The following PEX14 variants were observed in gnomAD, a reference collection of about 807,000 sequenced individuals.
PEX14 encodes the protein peroxisomal membrane protein PEX14.
PEX14 carries 15 observed loss-of-function variants against 49.5 expected under a neutral mutation model. That is an observed-to-expected ratio of 0.30 (90% CI 0.20 to 0.47). The LOEUF (loss-of-function observed/expected upper bound fraction) is 0.47. Among genes scored for constraint, PEX14 ranks in the 20% least tolerant of loss-of-function variants. The pLI is 1.00. For missense variants in PEX14, 398 were observed against 494.8 expected, an observed-to-expected ratio of 0.80 and a Z score of 1.86; for synonymous variants, 210 against 212.7, an observed-to-expected ratio of 0.99 and a Z score of 0.11.
chr1:10,538,851 A>G (rs1219913382), intron 3 of PEX14, among the ~76,000 whole-genome samples: 2 of 152,190 alleles, frequency 1.3e-5, no homozygotes, highest in Non-Finnish European at 1.5e-5. Context: ...GGCTTGGAGC[A>G]TGGGCTCTGG....
chr1:10,596,409 T>C (rs1640834351), intron 3 of PEX14, among the ~76,000 whole-genome samples: 1 of 152,230 alleles, frequency 6.6e-6, no homozygotes, highest in Non-Finnish European at 1.5e-5. Context: ...GTTAAGTTCC[T>C]GTATTGTTTC....
intron 1 of PEX14, among the ~76,000 whole-genome samples, chr1:10,481,140 C>CTT (rs544692572): frequency 7.8e-5 from 11 of 140,820 alleles, no homozygotes; most frequent in Admixed American, 2.2e-4. Context: ...CCTTTCCTTC[C>CTT]TTTTTTTTTT....
Position 10,482,892 on chromosome 1 carries a change from T to C in PEX14, c.36+7890T>C, listed in dbSNP as rs1252058950. Among the ~76,000 whole-genome samples the C allele has an allele frequency of 3.9e-5, 6 of 152,242 alleles. No homozygotes were observed. The East Asian group carries it at 5.8e-4, about 15-fold the overall frequency. Reference sequence around the variant, plus strand: ...TTTATTTTTTATGGTATTGACATGTTTGGAGAGTCTGGACTACTTGTTTTG... The same window carrying C: ...TTTATTTTTTATGGTATTGACATGTCTGGAGAGTCTGGACTACTTGTTTTG... On this transcript the variant is annotated intron_variant, in intron 1 of 8. Coordinates refer to ENST00000356607, the MANE Select transcript of PEX14 (RefSeq NM_004565.3).
chr1:10,598,318 T>A (rs2124600847), intron 3 of PEX14, among the ~76,000 whole-genome samples: 1 of 152,308 alleles, frequency 6.6e-6, no homozygotes, highest in East Asian at 1.9e-4. Context: ...AGCGCCACAT[T>A]TCATTCTGTT....
At chr1:10,584,153 T>C (rs949504325) in intron 3 of PEX14, among the ~76,000 whole-genome samples, 1 of 152,184 alleles carries the variant, frequency 6.6e-6, no homozygotes, top group African/African-American at 2.4e-5. Context: ...TAGCCTGATT[T>C]GTGGGATCTG....
At chr1:10,487,481 C>CTTTTTTTTTTTTTTTTTTTTTTTTT (rs33968565) in intron 1 of PEX14, among the ~76,000 whole-genome samples, 5 of 86,756 alleles carry the variant, frequency 5.8e-5, no homozygotes, top group Non-Finnish European at 1.1e-4. Context: ...TTCTTTCTTT[C>CTTTTTTTTTTTTTTTTTTTTTTTTT]TTTTTTTTTT....
chr1:10,489,335 G>A (rs1436980497), intron 1 of PEX14, among the ~76,000 whole-genome samples: 4 of 152,198 alleles, frequency 2.6e-5, no homozygotes, highest in Non-Finnish European at 5.9e-5. Context: ...TATTGTTGAG[G>A]TTATGGATTT....
rs143139543 is a variant in PEX14 at position 10,611,142 on chromosome 1, A to G, written c.299-7190A>G. 5.8e-3 allele frequency among the ~76,000 whole-genome samples: 880 copies of G among 152,196 alleles called. 3 individuals carry two copies. The highest frequency in any genetic ancestry group is 9.7e-3 in the Non-Finnish European group (661 of 68,004). ...TAGCTGAGCCTGGTGGCATGCCTGTAGTTCCAGCTACTTGGGAGGCTGAGG... is the reference window on the plus strand; with the variant it reads ...TAGCTGAGCCTGGTGGCATGCCTGTGGTTCCAGCTACTTGGGAGGCTGAGG... On this transcript the variant is annotated intron_variant, in intron 4 of 8. Coordinates refer to ENST00000356607, the MANE Select transcript of PEX14 (RefSeq NM_004565.3).
chr1:10,484,613 G>A (rs1224138405), intron 1 of PEX14, among the ~76,000 whole-genome samples: 3 of 151,730 alleles, frequency 2.0e-5, no homozygotes, highest in Non-Finnish European at 4.4e-5. Flanking sequence ...TTAGCCGCTT[G>A]GCACAGCACA....
At chr1:10,492,189 T>A (rs1641485811) in intron 1 of PEX14, among the ~76,000 whole-genome samples, 1 of 152,244 alleles carries the variant, frequency 6.6e-6, no homozygotes, top group African/African-American at 2.4e-5. Flanking sequence ...CACTGTGTAC[T>A]GTTTGAAGTT....
intron 1 of PEX14, among the ~76,000 whole-genome samples, chr1:10,480,846 T>A (rs1199648081): frequency 7.2e-6 from 1 of 139,568 alleles, no homozygotes; most frequent in Non-Finnish European, 1.5e-5. Flanking sequence ...TCTCTTTCTC[T>A]CTCTCTCTCT....
chr1:10,592,967 T>A (rs766785813), intron 3 of PEX14, among the ~76,000 whole-genome samples: 3 of 152,230 alleles, frequency 2.0e-5, no homozygotes, highest in Non-Finnish European at 2.9e-5. Context: ...TTGCCTCTTC[T>A]GTTGACATTA....
chr1:10,508,574 T>TC (rs529400449), intron 2 of PEX14, among the ~76,000 whole-genome samples: 52 of 151,982 alleles, frequency 3.4e-4, no homozygotes, highest in African/African-American at 1.2e-3. Flanking sequence ...CCCAGCTCCC[T>TC]CCCCCCCAGA....
At chr1:10,537,368 A>G (rs529592827) in intron 3 of PEX14, among the ~76,000 whole-genome samples, 16 of 66,598 alleles carry the variant, frequency 2.4e-4, no homozygotes, top group African/African-American at 1.1e-3. Flanking sequence ...TCATTAGGAG[A>G]TTATTAAAAT....
At chr1:10,563,848 C>G (rs1200132204) in intron 3 of PEX14, among the ~76,000 whole-genome samples, 1 of 151,358 alleles carries the variant, frequency 6.6e-6, no homozygotes, top group Admixed American at 6.6e-5. Context: ...GGAGGCGGGG[C>G]TTGCAGTGAG....
intron 4 of PEX14, among the ~76,000 whole-genome samples, chr1:10,604,953 A>G (rs946142630): frequency 1.3e-5 from 2 of 152,028 alleles, no homozygotes; most frequent in Non-Finnish European, 2.9e-5. Flanking sequence ...GTTGTTCTCC[A>G]TGGTTGGGCC....
chr1:10,621,646 A>C (rs1452711246), intron 5 of PEX14, among the ~76,000 whole-genome samples: 1 of 152,192 alleles, frequency 6.6e-6, no homozygotes, highest in East Asian at 1.9e-4. Context: ...CGCCCGGCCA[A>C]GAATTCTTTA....
At chr1:10,536,043 A>G (rs1638792893) in intron 2 of PEX14, 170 bp from the exon 3 acceptor site, 2 of 642,010 alleles carry the variant, frequency 3.1e-6, no homozygotes, top group Non-Finnish European at 2.9e-6. Context: ...CAGGGAAACA[A>G]CATCGCCTTT....
rs142517984 is a variant in PEX14 at position 10,565,124 on chromosome 1, G to A, written c.169+28827G>A. Among the ~76,000 whole-genome samples, 746 of 152,156 alleles carry A rather than the reference G, an allele frequency of 4.9e-3. 8 individuals are homozygous for A. The highest frequency in any genetic ancestry group is 0.017 in the African/African-American group (706 of 41,514). ...TCACCACATTGGCCAGGCTGGTCTC[G>A]AACTCCTGACCTCGTGATCTGCCCG... is the stretch of plus-strand genomic sequence containing the variant. On this transcript the variant is annotated intron_variant, in intron 3 of 8. Transcript: ENST00000356607.
Sources: allele counts gnomAD v4.1 joint callset (sites outside exome capture counted in the v4.1 genomes callset), GRCh38; gene constraint gnomAD v4.1.1; transcripts MANE v1.5; gene names NCBI Gene and HGNC (gene_info 2026-07-23, HGNC 2026-07-21).